TENM4: variants seen among roughly 807,000 people sequenced by gnomAD.
The protein encoded by TENM4 is teneurin-4.
In TENM4, 82 loss-of-function variants were observed where a neutral mutation model predicts 243.3. The ratio of observed to expected loss-of-function variants is 0.34; its 90% CI spans 0.28 to 0.40. The LOEUF (loss-of-function observed/expected upper bound fraction) is 0.40, where lower values mean the gene tolerates loss of function less well. TENM4 is among the 10% of genes least tolerant of loss of function. TENM4 has a pLI of 1.00. For missense variants in TENM4, 3,138 were observed against 3,673.3 expected (o/e 0.85, Z 3.77); for synonymous variants, 1,412 against 1,456.3 (o/e 0.97, Z 0.69).
intron 29 of TENM4, among the ~76,000 whole-genome samples, chr11:78,683,710 A>G (rs934319838): frequency 4.7e-5 from 7 of 149,822 alleles, no homozygotes; most frequent in African/African-American, 1.5e-4. Context: ...CCGGTACCTC[A>G]GATGGAAATG....
intron 2 of TENM4, among the ~76,000 whole-genome samples, chr11:79,228,102 T>C (rs1488663576): frequency 1.3e-5 from 2 of 152,160 alleles, no homozygotes; most frequent in Non-Finnish European, 2.9e-5. Context: ...AAAGTATCTA[T>C]AAACAGACCG....
chr11:79,430,844 G>A lies in TENM4; in HGVS notation c.-321+9665C>T, dbSNP rs1202161532. Among the ~76,000 whole-genome samples, 3 of 152,250 alleles carry A rather than the reference G, an allele frequency of 2.0e-5. No homozygotes were observed. The East Asian group carries it at 5.8e-4, about 29-fold the overall frequency. ...AGAATCACCTACTACATGTAGAAATGTACTTAAATGGCCATAAAGAGAATT... is the reference window on the plus strand; with the variant it reads ...AGAATCACCTACTACATGTAGAAATATACTTAAATGGCCATAAAGAGAATT... On this transcript the variant is annotated intron_variant, in intron 1 of 33. Coordinates refer to ENST00000278550, the MANE Select transcript of TENM4 (RefSeq NM_001098816.3).
At chr11:79,344,455 T>C (rs112978923) in intron 1 of TENM4, among the ~76,000 whole-genome samples, 117 of 152,218 alleles carry the variant, frequency 7.7e-4, no homozygotes, top group African/African-American at 2.7e-3. Flanking sequence ...GGAGATCTCA[T>C]ACCCATGAAA....
intron 6 of TENM4, among the ~76,000 whole-genome samples, chr11:79,020,222 G>A (rs1858892125): frequency 6.6e-6 from 1 of 152,194 alleles, no homozygotes; most frequent in South Asian, 2.1e-4. Flanking sequence ...GGAGAGCAGG[G>A]CAGCTGGGAC....
At chr11:79,293,703 G>A (rs1041066151) in intron 2 of TENM4, among the ~76,000 whole-genome samples, 7 of 151,968 alleles carry the variant, frequency 4.6e-5, no homozygotes, top group African/African-American at 1.7e-4. Flanking sequence ...AGTCTGTCTG[G>A]GTGGCTTTGA....
At chr11:79,110,678 C>T (rs1429923736) in intron 4 of TENM4, among the ~76,000 whole-genome samples, 1 of 152,108 alleles carries the variant, frequency 6.6e-6, no homozygotes, top group Non-Finnish European at 1.5e-5. Flanking sequence ...AGGTAAGTTC[C>T]AAAGCTCAGG....
intron 22 of TENM4, 112 bp downstream of exon 22, chr11:78,729,264 G>T: frequency 8.3e-7 from 1 of 1,204,074 alleles, no homozygotes; most frequent in Non-Finnish European, 1.1e-6. Flanking sequence ...GGTCAATTAA[G>T]CCTTAGGTAT....
chr11:78,743,105 C>T (rs900063264), intron 19 of TENM4, among the ~76,000 whole-genome samples: 4 of 152,198 alleles, frequency 2.6e-5, no homozygotes, highest in Admixed American at 6.5e-5. Flanking sequence ...CCCTACTGCA[C>T]GTGGCTTCAG....
At chr11:78,929,008 G>C (rs958717538) in intron 6 of TENM4, among the ~76,000 whole-genome samples, 1 of 152,200 alleles carries the variant, frequency 6.6e-6, no homozygotes, top group Admixed American at 6.5e-5. Context: ...TCATGGCTGG[G>C]CCCGGAGTCT....
intron 2 of TENM4, among the ~76,000 whole-genome samples, chr11:79,286,811 G>A (rs1392397654): frequency 6.6e-6 from 1 of 152,108 alleles, no homozygotes; most frequent in Non-Finnish European, 1.5e-5. Context: ...AACAATTATG[G>A]AGCATCTATT....
rs766145028 is a variant in TENM4 at position 78,669,793 on chromosome 11, T to A, written c.6552A>T (p.Gly2184=). 1.9e-6 allele frequency: 3 copies of A among 1,613,850 alleles called. No homozygotes were observed. In the South Asian group the frequency reaches 3.3e-5, roughly 18 times the overall value. Residue 2184 remains glycine (G), a synonymous_variant, in exon 32 of 34, where the codon GGA becomes GGT. Transcript: ENST00000278550. This position sits in a 1 kb window ranked among gnomAD's most constrained non-coding sequence, Gnocchi z 6.4. ...GRVVKKELKV[G]PYANTTRYSY... ...AGTAGCGAGTGGTATTGGCGTAGGGTCCTACCTTCAGCTCCTTCTTCACTA... is the reference window on the plus strand; with the variant it reads ...AGTAGCGAGTGGTATTGGCGTAGGGACCTACCTTCAGCTCCTTCTTCACTA...
Position 78,669,418 on chromosome 11 carries a change from G to C in TENM4, c.6927C>G (p.His2309Gln). 6.2e-7 allele frequency: 1 copy of C among 1,613,176 alleles called. No individual in the cohort carries two copies. The highest frequency in any genetic ancestry group is 8.5e-7 in the Non-Finnish European group (1 of 1,179,356). ...RVSSKSSHSH[H>Q]LQFFYADLTN... ...TCAGGTCTGCATAGAAGAACTGCAG[G>C]TGGTGGCTGTGGCTGCTCTTGCTGG... is the stretch of plus-strand genomic sequence containing the variant. Residue 2309 changes from histidine (H) to glutamine (Q), a missense_variant, in exon 32 of 34, where the codon CAC becomes CAG. Coordinates refer to ENST00000278550, the MANE Select transcript of TENM4 (RefSeq NM_001098816.3). This position sits in a 1 kb window ranked among gnomAD's most constrained non-coding sequence, Gnocchi z 6.4.
At chr11:79,227,352 G>T (rs1864289843) in intron 2 of TENM4, among the ~76,000 whole-genome samples, 1 of 152,178 alleles carries the variant, frequency 6.6e-6, no homozygotes, top group Admixed American at 6.6e-5. Context: ...TTTGTCAACT[G>T]TTTGACCAGT....
At chr11:79,079,165 C>T (rs576226025) in intron 4 of TENM4, among the ~76,000 whole-genome samples, 1 of 152,264 alleles carries the variant, frequency 6.6e-6, no homozygotes, top group East Asian at 1.9e-4. Context: ...GCTGTGTGCC[C>T]AGCCTGGCTA....
intron 9 of TENM4, among the ~76,000 whole-genome samples, chr11:78,863,407 C>T (rs886774447): frequency 1.3e-5 from 2 of 152,092 alleles, no homozygotes; most frequent in South Asian, 2.1e-4. Context: ...GTCTTTGCTT[C>T]GAAAGATAAA....
intron 7 of TENM4, among the ~76,000 whole-genome samples, chr11:78,898,076 T>C (rs1174663905): frequency 1.3e-5 from 2 of 152,222 alleles, no homozygotes; most frequent in Non-Finnish European, 2.9e-5. Flanking sequence ...GGATCAGGGT[T>C]TGGGGGACCC....
chr11:79,320,378 T>C (rs891340533), intron 1 of TENM4, among the ~76,000 whole-genome samples: 1 of 152,310 alleles, frequency 6.6e-6, no homozygotes, highest in Admixed American at 6.5e-5. Flanking sequence ...GCTGCCCGGC[T>C]TTGGTTGGAG....
At chr11:79,260,549 C>A (rs571355298) in intron 2 of TENM4, among the ~76,000 whole-genome samples, 1 of 152,148 alleles carries the variant, frequency 6.6e-6, no homozygotes, top group African/African-American at 2.4e-5. Context: ...ACCAGGGAAC[C>A]TAGGTCTGTC....
At chr11:78,974,027 C>A (rs1857599842) in intron 6 of TENM4, among the ~76,000 whole-genome samples, 2 of 152,194 alleles carry the variant, frequency 1.3e-5, no homozygotes, top group South Asian at 4.1e-4. Flanking sequence ...ACTAGAGAAG[C>A]ATAACAATGA....
Sources: gnomAD v4.1 joint callset for allele counts (sites outside exome capture counted in the v4.1 genomes callset) on GRCh38, gnomAD v4.1.1 for gene constraint, Gnocchi (gnomAD v3.1) non-coding constraint, MANE v1.5 for transcripts, NCBI Gene and HGNC (gene_info 2026-07-23, HGNC 2026-07-21) for gene names.